NTM: variants seen among roughly 807,000 people sequenced by gnomAD.
NTM encodes the protein neurotrimin, also known as IgLON family member 2.
Under a neutral mutation model 42.1 loss-of-function variants are expected in NTM, and 13 were observed. The observed-to-expected ratio is 0.31, with a 90% CI of 0.20 to 0.49. The LOEUF (loss-of-function observed/expected upper bound fraction) is 0.49, where lower values mean the gene tolerates loss of function less well. Among genes scored for constraint, NTM ranks in the 20% least tolerant of loss-of-function variants. The pLI, the probability that NTM is intolerant of heterozygous loss-of-function variation, is 0.99. For synonymous variants in NTM, 187 were observed against 179.2 expected (o/e 1.04, Z -0.35); for missense variants, 373 against 452.8 (o/e 0.82, Z 1.60).
At chr11:131,487,171 G>C (rs902901399) in intron 1 of NTM, among the ~76,000 whole-genome samples, 5 of 152,216 alleles carry the variant, frequency 3.3e-5, no homozygotes, top group African/African-American at 1.2e-4. Context: ...AAGCCTGCCA[G>C]AAAGGTGGTC....
rs116201884 is a variant in NTM at position 131,850,502 on chromosome 11, G to A, written c.83-61062G>A. Among the ~76,000 whole-genome samples the A allele has an allele frequency of 2.6e-3, 402 of 152,258 alleles. 1 individual carries two copies. Among genetic ancestry groups the A allele is most frequent in the African/African-American group, 7.9e-3 (330 of 41,550 alleles). On this transcript the variant is annotated intron_variant, in intron 1 of 8. Coordinates refer to ENST00000683400, the MANE Select transcript of NTM (RefSeq NM_001352005.2). ...GGAGACACAGAGCTGGGAGGCTTTC[G>A]GGAGACTGGGGGTCGATTTCCTTTC...
At chr11:132,160,608 C>T (rs906807282) in intron 3 of NTM, among the ~76,000 whole-genome samples, 63 of 152,256 alleles carry the variant, frequency 4.1e-4, no homozygotes, top group South Asian at 1.5e-3. Flanking sequence ...AATATGTGGG[C>T]GGGTGACTGG....
intron 4 of NTM, among the ~76,000 whole-genome samples, chr11:132,230,144 C>A (rs539928973): frequency 1.3e-5 from 2 of 152,206 alleles, no homozygotes; most frequent in East Asian, 3.9e-4. Context: ...GAAGCTGAGC[C>A]CTGAGAGTCG....
At chr11:131,631,587 C>T (rs1374905820) in intron 1 of NTM, among the ~76,000 whole-genome samples, 1 of 152,232 alleles carries the variant, frequency 6.6e-6, no homozygotes, top group Non-Finnish European at 1.5e-5. Context: ...CACTGTAGTA[C>T]TTCCTCCCAC....
At chr11:131,528,101 C>T (rs2050758499) in intron 1 of NTM, among the ~76,000 whole-genome samples, 1 of 152,174 alleles carries the variant, frequency 6.6e-6, no homozygotes. Context: ...GACTTCTGGT[C>T]CCAAGGATTG....
rs1166497557 is a variant in NTM at position 131,670,000 on chromosome 11, C to T, written c.83-241564C>T. Among the ~76,000 whole-genome samples the T allele has an allele frequency of 3.3e-5, 5 of 152,276 alleles. No individual in the cohort carries two copies. The East Asian group carries it at 9.6e-4, about 29-fold the overall frequency. On this transcript the variant is annotated intron_variant, in intron 1 of 8. Transcript: ENST00000683400. Reference sequence around the variant, plus strand: ...AGGTGGCGTCCGATTGAAGCGGAGGCTGGGAGCTGCTTTTGTTTTGAAGGC... The same window carrying T: ...AGGTGGCGTCCGATTGAAGCGGAGGTTGGGAGCTGCTTTTGTTTTGAAGGC...
intron 2 of NTM, among the ~76,000 whole-genome samples, chr11:132,025,829 C>T (rs780204907): frequency 1.3e-5 from 2 of 152,212 alleles, no homozygotes; most frequent in Admixed American, 1.3e-4. Context: ...TTACTAATCA[C>T]TCAAAGGCCA....
chr11:132,161,311 T>C (rs1418172728), intron 3 of NTM, among the ~76,000 whole-genome samples: 1 of 151,666 alleles, frequency 6.6e-6, no homozygotes, highest in Non-Finnish European at 1.5e-5. Flanking sequence ...GACAGTTCTC[T>C]TCTTTGCTAT....
rs867255262 is a variant in NTM, at chr11:132,017,489, T to C, written c.167+105841T>C. ...TTGCTCCTGTGAATGGGATTAATTT[T>C]GGAATCTCAATTTTATGTTATTGAT... On this transcript the variant is annotated intron_variant, in intron 2 of 8. Transcript: ENST00000683400. Among the ~76,000 whole-genome samples the C allele has an allele frequency of 2.0e-5, 3 of 152,166 alleles. No homozygotes were observed. The South Asian group carries it at 6.2e-4, about 32-fold the overall frequency.
intron 1 of NTM, among the ~76,000 whole-genome samples, chr11:131,446,624 G>C (rs1055561350): frequency 3.3e-5 from 5 of 152,286 alleles, no homozygotes; most frequent in African/African-American, 1.2e-4. Context: ...GGAGTCAACT[G>C]AAACAAGAGC....
At chr11:132,178,217 A>T (rs1161465810) in intron 3 of NTM, among the ~76,000 whole-genome samples, 1 of 152,146 alleles carries the variant, frequency 6.6e-6, no homozygotes, top group East Asian at 1.9e-4. Flanking sequence ...AGATAAACAC[A>T]TGGTTGGGAG....
intron 1 of NTM, among the ~76,000 whole-genome samples, chr11:131,448,018 G>T (rs1053047821): frequency 6.6e-6 from 1 of 152,226 alleles, no homozygotes; most frequent in African/African-American, 2.4e-5. Flanking sequence ...GCTGGACCTG[G>T]TGGCTTGGAG....
At chr11:132,037,638 C>T (rs536568945) in intron 2 of NTM, among the ~76,000 whole-genome samples, 160 of 152,272 alleles carry the variant, frequency 1.1e-3, no homozygotes, top group African/African-American at 3.8e-3. Flanking sequence ...AGCTTCTTCC[C>T]ACTGGGAGCC....
intron 2 of NTM, among the ~76,000 whole-genome samples, chr11:131,970,701 A>G (rs1343482482): frequency 6.6e-6 from 1 of 151,654 alleles, no homozygotes; most frequent in Admixed American, 6.6e-5. Flanking sequence ...TCCTGATCCC[A>G]CTCATTATTC....
rs555385863 is a variant in NTM, at chr11:131,887,631, C to A, written c.83-23933C>A. Among the ~76,000 whole-genome samples the A allele has an allele frequency of 5.5e-4, 84 of 152,326 alleles. No homozygotes were observed. The Middle Eastern group carries it at 0.01, about 19-fold the overall frequency. ...GCTAAGTGTTCCCAAATCCTTTGAT[C>A]CTTAGATGGACTCATCTTCAAAATT... On this transcript the variant is annotated intron_variant, in intron 1 of 8. Transcript: ENST00000683400.
intron 3 of NTM, among the ~76,000 whole-genome samples, chr11:132,175,580 A>G (rs530955214): frequency 9.1e-4 from 138 of 151,438 alleles, no homozygotes; most frequent in Non-Finnish European, 1.7e-3. Flanking sequence ...GACTAAAAAA[A>G]TCCTACCCAC....
At chr11:131,453,781 C>T (rs893314806) in intron 1 of NTM, among the ~76,000 whole-genome samples, 2 of 151,482 alleles carry the variant, frequency 1.3e-5, no homozygotes, top group Admixed American at 6.6e-5. Flanking sequence ...GCATTGGCTG[C>T]AGGTATCTGC....
chr11:131,397,076 G>C (rs1248341044), intron 1 of NTM, among the ~76,000 whole-genome samples: 1 of 152,154 alleles, frequency 6.6e-6, no homozygotes, highest in African/African-American at 2.4e-5. Flanking sequence ...GACCATCTGA[G>C]CTCTTAATTT....
At chr11:131,982,185 G>C (rs1278974394) in intron 2 of NTM, among the ~76,000 whole-genome samples, 1 of 152,076 alleles carries the variant, frequency 6.6e-6, no homozygotes, top group Non-Finnish European at 1.5e-5. Context: ...GGTGGAGGGA[G>C]GGGGGACTTG....
Sources: gnomAD v4.1 joint callset for allele counts (sites outside exome capture counted in the v4.1 genomes callset) on GRCh38, gnomAD v4.1.1 for gene constraint, MANE v1.5 for transcripts, NCBI Gene and HGNC (gene_info 2026-07-23, HGNC 2026-07-21) for gene names.